Variants in CCAR2 observed in about 807,000 individuals in gnomAD.
The protein encoded by CCAR2 is cell cycle and apoptosis regulator protein 2.
In CCAR2, 21 loss-of-function variants were observed where a neutral mutation model predicts 108.1. That is an observed-to-expected ratio of 0.19 (90% CI 0.14 to 0.28). The LOEUF (loss-of-function observed/expected upper bound fraction) is 0.28. Ranked by LOEUF, CCAR2 falls within the 10% of genes least tolerant of loss-of-function variation. The pLI is 1.00. For synonymous variants in CCAR2, 577 were observed against 472.8 expected (o/e 1.22, Z -2.86); for missense variants, 1,126 against 1,177.0 (o/e 0.96, Z 0.63).
Position 22,614,288 on chromosome 8 carries a change from G to T in CCAR2, c.901G>T (p.Asp301Tyr). The T allele has an allele frequency of 6.2e-7, 1 of 1,614,058 alleles. No individual in the cohort carries two copies. The highest frequency in any genetic ancestry group is 8.5e-7 in the Non-Finnish European group (1 of 1,180,000). The change falls in exon 9 of 21, where the codon GAC becomes TAC. Residue 301 changes from aspartate to tyrosine, a missense_variant. Coordinates refer to ENST00000308511, the MANE Select transcript of CCAR2 (RefSeq NM_001393997.1). ...CGCTGGTGCTGAGCCCATCACTGCAGACAGTGACCCCGCTTATAGTTCGAA... is the reference window on the plus strand; with the variant it reads ...CGCTGGTGCTGAGCCCATCACTGCATACAGTGACCCCGCTTATAGTTCGAA... ...PDAGAEPITA[D>Y]SDPAYSSKVL...
intron 16 of CCAR2, 27 bp downstream of exon 16, chr8:22,617,805 G>C (rs1453998908): frequency 6.2e-7 from 1 of 1,609,608 alleles, no homozygotes; most frequent in Admixed American, 1.7e-5. Context: ...ACCACTCTGG[G>C]TCTCAGTGGT....
chr8:22,617,288 A>G (rs1475431465), intron 14 of CCAR2, 132 bp from the exon 15 acceptor site: 1 of 1,019,744 alleles, frequency 9.8e-7, no homozygotes, highest in Admixed American at 2.8e-5. Context: ...AATACATGAA[A>G]TGAGACGGTA....
rs1321590795 is a variant in CCAR2 at position 22,619,983 on chromosome 8, CTT to C, written c.*303_*304del. On this transcript the variant is annotated 3_prime_UTR_variant, in exon 21 of 21. Coordinates refer to ENST00000308511, the MANE Select transcript of CCAR2 (RefSeq NM_001393997.1). ...TGGGGCCCTTTTAGTCTTGTGCTGA[CTT>C]TCTCCTGTCCTCTTCCAGTTTAGAA... 68 of 448,084 alleles carry C rather than the reference CTT, an allele frequency of 1.5e-4. 1 individual carries two copies. Among genetic ancestry groups the C allele is most frequent in the Non-Finnish European group, 8.2e-6 (2 of 244,206 alleles). The allele number at this position is 448,084 out of a possible 1,614,324, so 27.8% of individuals were successfully genotyped here.
Position 22,618,872 on chromosome 8 carries a change from G to A in CCAR2, c.2378G>A (p.Gly793Asp). ...LPPPGKSTKPGAAPTEHKALV... is the reference protein window; with the variant it reads ...LPPPGKSTKPDAAPTEHKALV... ...CCTCCTGGGAAAAGCACGAAGCCAG[G>A]TGCTGCCCCCACAGAACACAAAGCC... is the stretch of plus-strand genomic sequence containing the variant. Residue 793 changes from glycine (G) to aspartate (D), a missense_variant, in exon 19 of 21, where the codon GGT (glycine) becomes GAT (aspartate). Around this residue, in one of 4 missense-constraint regions of CCAR2, gnomAD observed 1,013 missense variants for 993.9 expected, o/e 1.02. Coordinates refer to ENST00000308511, the MANE Select transcript of CCAR2 (RefSeq NM_001393997.1). 3 of 1,614,026 alleles carry A rather than the reference G, an allele frequency of 1.9e-6. No homozygotes were observed. Among genetic ancestry groups the A allele is most frequent in the Non-Finnish European group, 2.5e-6 (3 of 1,180,040 alleles).
intron 17 of CCAR2, 21 bp from the exon 18 acceptor site, chr8:22,618,596 C>T: frequency 6.2e-7 from 1 of 1,613,682 alleles, no homozygotes; most frequent in South Asian, 1.1e-5. Context: ...GCCTTCTGAT[C>T]AGCAGATGTG....
chr8:22,619,983 C>G lies in CCAR2; in HGVS notation c.*301C>G. 2.2e-6 allele frequency: 1 copy of G among 448,084 alleles called. No individual in the cohort carries two copies. 27.8% of individuals were successfully genotyped at this position (448,084 alleles called of 1,614,324 possible). ...TGGGGCCCTTTTAGTCTTGTGCTGA[C>G]TTTCTCCTGTCCTCTTCCAGTTTAG... On this transcript the variant is annotated 3_prime_UTR_variant, in exon 21 of 21. Coordinates refer to ENST00000308511, the MANE Select transcript of CCAR2 (RefSeq NM_001393997.1).
In CCAR2 at chr8:22,619,680, T is replaced by G; in HGVS notation, c.2770T>G (p.Ter924GlyextTer46). 1 of 1,571,040 alleles carries G rather than the reference T, an allele frequency of 6.4e-7. No homozygotes were observed. Among genetic ancestry groups the G allele is most frequent in the Non-Finnish European group, 8.6e-7 (1 of 1,157,670 alleles). ...VEKEEPAPSN[*>G] Reference sequence around the variant, plus strand: ...GAAGGAGGAGCCGGCACCTAGCAACTGACGGCCTCGCACGGAACTGCCATC... The same window carrying G: ...GAAGGAGGAGCCGGCACCTAGCAACGGACGGCCTCGCACGGAACTGCCATC... Residue 924 changes from the stop codon to glycine, a stop_lost, in exon 21 of 21, where the codon TGA (stop) becomes GGA (glycine). Transcript: ENST00000308511.
intron 14 of CCAR2, 90 bp from the exon 15 acceptor site, chr8:22,617,330 A>G (rs191985857): frequency 6.2e-6 from 9 of 1,440,894 alleles, no homozygotes; most frequent in Non-Finnish European, 8.4e-6. Flanking sequence ...TGCCTGGGGC[A>G]TAGTTGATAC....
At chr8:22,612,832 T>G in intron 7 of CCAR2, 185 bp from the exon 8 acceptor site, 1 of 653,024 alleles carries the variant, frequency 1.5e-6, no homozygotes, top group Non-Finnish European at 2.4e-6. Context: ...CAGGAATGTT[T>G]ATTAAAACAG....
In CCAR2 at chr8:22,607,959, C is replaced by T. The variant is rs200386062; in HGVS notation, c.488-10C>T. 5 of 1,612,932 alleles carry T rather than the reference C, an allele frequency of 3.1e-6. No homozygotes were observed. The South Asian group carries it at 3.3e-5, about 11-fold the overall frequency. ...GGGTTTTTGAGTCACCAGTCATTTC[C>T]TTTCTGCAGCTCTGAGTCTCTTCCA... On this transcript the variant is annotated splice_polypyrimidine_tract_variant and intron_variant, in intron 6 of 20. Transcript: ENST00000308511.
downstream of CCAR2, chr8:22,621,391 G>C (rs778350247): frequency 6.2e-7 from 1 of 1,601,322 alleles, no homozygotes. Flanking sequence ...GGCTGACCAC[G>C]TCACAGGAGT....
Position 22,617,797 on chromosome 8 carries a change from C to T in CCAR2, c.2073+19C>T, listed in dbSNP as rs1801585918. The T allele has an allele frequency of 6.2e-7, 1 of 1,611,852 alleles. No homozygotes were observed. The highest frequency in any genetic ancestry group is 1.3e-5 in the African/African-American group (1 of 74,990). On this transcript the variant is annotated intron_variant, in intron 16 of 20. Transcript: ENST00000308511. ...GGACATGGTGAGGCCTCTTCTCGAC[C>T]ACTCTGGGTCTCAGTGGTGGTGAGG...
Position 22,617,581 on chromosome 8 carries a change from G to C in CCAR2, c.1990+17G>C. 1 of 1,605,496 alleles carries C rather than the reference G, an allele frequency of 6.2e-7. No homozygotes were observed. On this transcript the variant is annotated intron_variant, in intron 15 of 20. Transcript: ENST00000308511. ...AGGAGTTTGGTATGTTGAGTGGTGA[G>C]AGGGGAGCTTGCAGGCTTGGGATGT...
chr8:22,613,209 A>ATGCAAGTGCACATGTATGTTCT (rs1801361935), intron 8 of CCAR2, 73 bp downstream of exon 8: 2 of 1,416,840 alleles, frequency 1.4e-6, no homozygotes, highest in South Asian at 1.6e-5. Context: ...GATGGCGTCT[A>ATGCAAGTGCACATGTATGTTCT]TGCAAGTGCA....
intron 3 of CCAR2, 31 bp from the exon 4 acceptor site, chr8:22,606,576 T>G: frequency 6.4e-7 from 1 of 1,573,088 alleles, no homozygotes; most frequent in Non-Finnish European, 8.7e-7. Context: ...TTTCCTCCCT[T>G]TTACTTTTCA....
chr8:22,617,397 A>G (rs201630599), intron 14 of CCAR2, 23 bp from the exon 15 acceptor site: 5 of 1,522,284 alleles, frequency 3.3e-6, no homozygotes, highest in Non-Finnish European at 4.4e-6. Flanking sequence ...CCTTTTCCTT[A>G]TAACCTTTGT....
intron 11 of CCAR2, 51 bp downstream of exon 11, chr8:22,615,052 G>C (rs1563919375): frequency 6.7e-7 from 1 of 1,490,420 alleles, no homozygotes; most frequent in Non-Finnish European, 8.9e-7. Flanking sequence ...GGTTGGGGAG[G>C]TTTTGTTGGG....
At chr8:22,619,500 C>T in intron 20 of CCAR2, 138 bp from the exon 21 acceptor site, 8 of 1,401,264 alleles carry the variant, frequency 5.7e-6, no homozygotes, top group Middle Eastern at 1.8e-4. Context: ...GGCAGTGTGC[C>T]CCTGGTTGCA....
downstream of CCAR2, chr8:22,621,228 C>G (rs1407018142): frequency 1.5e-6 from 1 of 669,644 alleles, no homozygotes; most frequent in Admixed American, 2.9e-5. Context: ...CCTGCTGGGG[C>G]TGTGAGTGGG....
Sources: allele counts gnomAD v4.1 joint callset, GRCh38; gene constraint gnomAD v4.1.1; regional missense constraint gnomAD v4.1.1; transcripts MANE v1.5; gene names NCBI Gene and HGNC (gene_info 2026-07-23, HGNC 2026-07-21).